Variants in FLNB observed in about 807,000 individuals in gnomAD.
FLNB encodes filamin-B.
A neutral mutation model predicts 250.6 loss-of-function variants in FLNB; 111 were observed. The ratio of observed to expected loss-of-function variants is 0.44; its 90% CI spans 0.38 to 0.52. FLNB has a LOEUF of 0.52. FLNB is among the 20% of genes least tolerant of loss of function. The pLI, the probability that FLNB is intolerant of heterozygous loss-of-function variation, is 0.00. For synonymous variants in FLNB, 1,302 were observed against 1,372.1 expected, an observed-to-expected ratio of 0.95 and a Z score of 1.13; for missense variants, 2,869 against 3,447.8, an observed-to-expected ratio of 0.83 and a Z score of 4.20.
Position 58,076,884 on chromosome 3 carries a change from C to A in FLNB, c.293-162C>A, listed in dbSNP as rs75423436. The stretch of plus-strand genomic sequence containing the variant: ...GGAATCATATTTCATCTGTTTTTGT[C>A]CTCAAATGTTTTGAAGCAAATTTCA... On this transcript the variant is annotated intron_variant, in intron 1 of 45. Transcript: ENST00000295956. Among the ~76,000 whole-genome samples, 5,828 of 152,228 alleles carry A rather than the reference C, an allele frequency of 0.038. 165 individuals are homozygous for A. The highest frequency in any genetic ancestry group is 0.057 in the South Asian group (274 of 4,820).
intron 4 of FLNB, among the ~76,000 whole-genome samples, chr3:58,089,313 G>A (rs1436539460): frequency 1.3e-5 from 2 of 152,080 alleles, no homozygotes; most frequent in Non-Finnish European, 2.9e-5. Context: ...GGGAGGCCGA[G>A]GCGGGCAGAT....
At chr3:58,159,833 T>A in intron 42 of FLNB, 147 bp downstream of exon 42, 1 of 853,030 alleles carries the variant, frequency 1.2e-6, no homozygotes, top group South Asian at 1.5e-5. Flanking sequence ...ATATTGTTTA[T>A]AAATTAGGGT....
chr3:58,139,060 T>C (rs368389683), intron 29 of FLNB, among the ~76,000 whole-genome samples: 4 of 152,166 alleles, frequency 2.6e-5, no homozygotes, highest in Non-Finnish European at 5.9e-5. Flanking sequence ...GCTAGGAACA[T>C]CTGGAATAAA....
intron 41 of FLNB, among the ~76,000 whole-genome samples, chr3:58,156,619 AAGG>A (rs1368316897): frequency 1.3e-5 from 2 of 152,190 alleles, no homozygotes; most frequent in African/African-American, 2.4e-5. Flanking sequence ...ACAGAGATAC[AAGG>A]AGGTTTTGTC....
At chr3:58,029,480 G>A (rs2097127827) in intron 1 of FLNB, among the ~76,000 whole-genome samples, 1 of 151,882 alleles carries the variant, frequency 6.6e-6, no homozygotes, top group African/African-American at 2.4e-5. Context: ...TTGGGAGAAG[G>A]GAAGTTGTGA....
intron 29 of FLNB, among the ~76,000 whole-genome samples, chr3:58,139,621 A>G (rs1575448565): frequency 6.6e-6 from 1 of 152,234 alleles, no homozygotes; most frequent in African/African-American, 2.4e-5. Context: ...AAGTATGTAA[A>G]TGTAAACACT....
At chr3:58,055,562 G>A (rs958645168) in intron 1 of FLNB, among the ~76,000 whole-genome samples, 9 of 152,228 alleles carry the variant, frequency 5.9e-5, no homozygotes, top group Non-Finnish European at 4.4e-5. Context: ...TTTAAGATGA[G>A]ATTTGGGTGG....
rs1193300086 is a variant in FLNB at position 58,123,169 on chromosome 3, C to G, written c.3203C>G (p.Ala1068Gly). 1.2e-6 allele frequency: 2 copies of G among 1,614,108 alleles called. No homozygotes were observed. Among genetic ancestry groups the G allele is most frequent in the Non-Finnish European group, 1.7e-6 (2 of 1,179,984 alleles). Residue 1068 changes from alanine (A) to glycine (G), a missense_variant, in exon 21 of 46, where the codon GCT becomes GGT. This residue lies in a region of FLNB where 1,348 missense variants were observed against 1,466.7 expected (regional missense o/e 0.92). Coordinates refer to ENST00000295956, the MANE Select transcript of FLNB (RefSeq NM_001457.4). Reference protein sequence around the residue: ...PAEFTIDTKGAGTGGLGLTVE... With the variant: ...PAEFTIDTKGGGTGGLGLTVE... ...GAGTTCACCATCGATACCAAAGGAGCTGGTACTGGAGGTCTGGGCTTAACG... is the reference window on the plus strand; with the variant it reads ...GAGTTCACCATCGATACCAAAGGAGGTGGTACTGGAGGTCTGGGCTTAACG...
chr3:58,153,656 C>G lies in FLNB; in HGVS notation c.6634+15C>G. On this transcript the variant is annotated intron_variant, in intron 39 of 45. Transcript: ENST00000295956. Reference sequence around the variant, plus strand: ...GGGAGTCCCAGGTGAGCATTGCGGGCAGGATTTTCACTTGGGAAGAATAGA... The same window carrying G: ...GGGAGTCCCAGGTGAGCATTGCGGGGAGGATTTTCACTTGGGAAGAATAGA... 2 of 1,613,716 alleles carry G rather than the reference C, an allele frequency of 1.2e-6. No homozygotes were observed. Among genetic ancestry groups the G allele is most frequent in the Non-Finnish European group, 1.7e-6 (2 of 1,179,872 alleles).
Position 58,097,982 on chromosome 3 carries a change from C to A in FLNB, c.1147+5C>A. The A allele has an allele frequency of 6.2e-7, 1 of 1,613,766 alleles. No individual in the cohort carries two copies. The highest frequency in any genetic ancestry group is 8.5e-7 in the Non-Finnish European group (1 of 1,179,792). On this transcript the variant is annotated splice_donor_5th_base_variant and intron_variant, in intron 7 of 45. Coordinates refer to ENST00000295956, the MANE Select transcript of FLNB (RefSeq NM_001457.4). ...ACTTTGACATCTATACGGCAGGTAA[C>A]GTGCCTCTCCTCCATGGATCTGACC...
chr3:58,125,794 T>C, intron 23 of FLNB, 51 bp downstream of exon 23: 1 of 1,552,648 alleles, frequency 6.4e-7, no homozygotes, highest in Non-Finnish European at 8.9e-7. Context: ...TGTGGCTAGA[T>C]TCTACCTATG....
At chr3:58,131,235 T>A (rs2097306849) in intron 25 of FLNB, among the ~76,000 whole-genome samples, 1 of 152,174 alleles carries the variant, frequency 6.6e-6, no homozygotes, top group Admixed American at 6.5e-5. Flanking sequence ...TTGCTCTGGA[T>A]GTGGCAGATG....
chr3:58,029,571 C>A (rs147789608), intron 1 of FLNB, among the ~76,000 whole-genome samples: 3 of 150,754 alleles, frequency 2.0e-5, no homozygotes, highest in African/African-American at 7.3e-5. Flanking sequence ...ATGGCTCGAT[C>A]TCGGCTCACT....
chr3:58,170,316 C>T (rs1056275224), intron 45 of FLNB, among the ~76,000 whole-genome samples: 3 of 152,116 alleles, frequency 2.0e-5, no homozygotes, highest in African/African-American at 7.2e-5. Context: ...GTTCTCATTC[C>T]CTGTTTACAG....
At chr3:58,166,106 G>C (rs1205989748) in intron 43 of FLNB, 1 of 152,132 alleles carries the variant, frequency 6.6e-6, no homozygotes, top group African/African-American at 2.4e-5. Flanking sequence ...CTGTGCCTCT[G>C]CTTCCTTTCC....
intron 4 of FLNB, among the ~76,000 whole-genome samples, chr3:58,087,804 G>A (rs895058406): frequency 2.0e-5 from 3 of 150,738 alleles, no homozygotes; most frequent in African/African-American, 4.9e-5. Flanking sequence ...GCAATGGCAC[G>A]ATCTCGGCTC....
chr3:58,039,134 G>C (rs1286482559), intron 1 of FLNB, among the ~76,000 whole-genome samples: 1 of 148,172 alleles, frequency 6.7e-6, no homozygotes, highest in Non-Finnish European at 1.5e-5. Flanking sequence ...CTCAAGGAAT[G>C]AACCATTGTG....
chr3:58,158,102 C>T (rs1165556594), intron 41 of FLNB, among the ~76,000 whole-genome samples: 1 of 147,892 alleles, frequency 6.8e-6, no homozygotes, highest in East Asian at 2.0e-4. Flanking sequence ...AGTAGGCTGG[C>T]ACTTGGGGTG....
chr3:58,163,129 C>A lies in FLNB; in HGVS notation c.7022-25C>A, dbSNP rs763353841. On this transcript the variant is annotated intron_variant, in intron 42 of 45. Transcript: ENST00000295956. Reference sequence around the variant, plus strand: ...GGGGTGTCCATTTGCTTGATTTCACCCTGTGCCTTTGCTCATTCTCCTAGA... The same window carrying A: ...GGGGTGTCCATTTGCTTGATTTCACACTGTGCCTTTGCTCATTCTCCTAGA... 8.7e-6 allele frequency: 14 copies of A among 1,613,216 alleles called. No homozygotes were observed. In the South Asian group the frequency reaches 1.5e-4, roughly 18 times the overall value.
Sources: gnomAD v4.1 joint callset for allele counts (sites outside exome capture counted in the v4.1 genomes callset) on GRCh38, gnomAD v4.1.1 for gene constraint, gnomAD v4.1.1 regional missense constraint, MANE v1.5 for transcripts, NCBI Gene and HGNC (gene_info 2026-07-23, HGNC 2026-07-21) for gene names.